The following SLC6A2 variants were observed in gnomAD, a reference collection of about 807,000 sequenced individuals.
The protein encoded by SLC6A2 is sodium-dependent noradrenaline transporter.
A neutral mutation model predicts 71.7 loss-of-function variants in SLC6A2; 26 were observed. That is an observed-to-expected ratio of 0.36 (90% CI 0.27 to 0.50). SLC6A2 has a LOEUF of 0.50. Among genes scored for constraint, SLC6A2 ranks in the 20% least tolerant of loss-of-function variants. The probability of loss-of-function intolerance (pLI) is 0.96; values close to 1 mark genes in which losing one functional copy is unlikely to be tolerated. For missense variants in SLC6A2, 581 were observed against 803.9 expected (o/e 0.72, Z 3.35); for synonymous variants, 363 against 337.9 (o/e 1.07, Z -0.82).
In SLC6A2 at chr16:55,702,622, G is replaced by A. The variant is rs1217435235; in HGVS notation, c.*276G>A. ...TTTTGGGGGAAGTCTCTCCCACTTT[G>A]GGATCCTGCTGAAGCTAGGTTCATG... On this transcript the variant is annotated 3_prime_UTR_variant, in exon 15 of 15. Transcript: ENST00000568943. The A allele has an allele frequency of 7.2e-7, 1 of 1,381,430 alleles. No individual in the cohort carries two copies. The highest frequency in any genetic ancestry group is 9.4e-7 in the Non-Finnish European group (1 of 1,066,194). 85.6% of individuals were successfully genotyped at this position (1,381,430 alleles called of 1,614,324 possible).
chr16:55,682,944 G>GGCA (rs1965323513), intron 4 of SLC6A2, among the ~76,000 whole-genome samples: 1 of 152,202 alleles, frequency 6.6e-6, no homozygotes, highest in African/African-American at 2.4e-5. Flanking sequence ...AGCCCACCAA[G>GGCA]GCAGAGTCAG....
Position 55,700,157 on chromosome 16 carries a change from AT to A in SLC6A2, c.1610del (p.Ile537ThrfsTer130). On this transcript the variant is annotated frameshift_variant, in exon 13 of 15. Coordinates refer to ENST00000568943, the MANE Select transcript of SLC6A2 (RefSeq NM_001172501.3). LOFTEE classifies it high-confidence loss of function. ...AFLLFVVVVS[I>X]INFKPLTYDD... Reference sequence around the variant, plus strand: ...TCTCTAGTTCGTGGTTGTGGTCAGCATCATCAACTTCAAGCCACTCACCTAC... The same window carrying A: ...TCTCTAGTTCGTGGTTGTGGTCAGCACATCAACTTCAAGCCACTCACCTAC... 1 of 1,613,734 alleles carries A rather than the reference AT, an allele frequency of 6.2e-7. No homozygotes were observed. The highest frequency in any genetic ancestry group is 8.5e-7 in the Non-Finnish European group (1 of 1,179,952).
chr16:55,679,635 T>A (rs2142539860), intron 4 of SLC6A2, among the ~76,000 whole-genome samples: 1 of 152,312 alleles, frequency 6.6e-6, no homozygotes, highest in Non-Finnish European at 1.5e-5. Context: ...TTGTTTTGAG[T>A]TAGGACTAAC....
At position 55,702,746 on chromosome 16, in the gene SLC6A2, C is replaced by CCT. The variant is rs1555506504; in HGVS notation, c.*401_*402insTC. 4 of 716,398 alleles carry CCT rather than the reference C, an allele frequency of 5.6e-6. No homozygotes were observed. The highest frequency in any genetic ancestry group is 2.5e-4 in the Admixed American group (1 of 4,036). The allele number at this position is 716,398 out of a possible 1,614,324, so 44.4% of individuals were successfully genotyped here. A position where few individuals can be genotyped will look rare whatever the true frequency, so the allele number is the denominator to read the frequency against. ...ATGGGCTTTTGATCAGATACCCCTC[C>CCT]CAAAAAAAAAAAAAACTAAAACTAA... On this transcript the variant is annotated 3_prime_UTR_variant, in exon 15 of 15. Coordinates refer to ENST00000568943, the MANE Select transcript of SLC6A2 (RefSeq NM_001172501.3).
intron 6 of SLC6A2, among the ~76,000 whole-genome samples, chr16:55,693,650 C>T (rs192639057): frequency 1.3e-5 from 2 of 152,326 alleles, no homozygotes; most frequent in East Asian, 1.9e-4. Context: ...ATGCCATCTC[C>T]GTAACTCCTA....
In SLC6A2 at chr16:55,705,205, T is replaced by C; in HGVS notation, c.*2859T>C. ...AGTTATTTAGCACCCACCTTTTAGCTTTCATTCTAGATGAAAACGAGACAA... is the reference window on the plus strand; with the variant it reads ...AGTTATTTAGCACCCACCTTTTAGCCTTCATTCTAGATGAAAACGAGACAA... On this transcript the variant is annotated 3_prime_UTR_variant, in exon 15 of 15. Coordinates refer to ENST00000568943, the MANE Select transcript of SLC6A2 (RefSeq NM_001172501.3). 6.5e-7 allele frequency: 1 copy of C among 1,534,306 alleles called. No individual in the cohort carries two copies. The highest frequency in any genetic ancestry group is 2.4e-5 in the East Asian group (1 of 40,904).
chr16:55,682,039 T>C (rs1348818749), intron 4 of SLC6A2, among the ~76,000 whole-genome samples: 1 of 152,214 alleles, frequency 6.6e-6, no homozygotes, highest in Non-Finnish European at 1.5e-5. Flanking sequence ...CCCAAGTAGC[T>C]GGGATTACAG....
chr16:55,687,204 T>C lies in SLC6A2; in HGVS notation c.783+1923T>C, dbSNP rs527436311. On this transcript the variant is annotated intron_variant, in intron 5 of 14. Coordinates refer to ENST00000568943, the MANE Select transcript of SLC6A2 (RefSeq NM_001172501.3). Reference sequence around the variant, plus strand: ...ATCTTGCTATTTTCATCACATACACTTTTCAAAAATGAAAAAGTCTAGATA... The same window carrying C: ...ATCTTGCTATTTTCATCACATACACCTTTCAAAAATGAAAAAGTCTAGATA... Among the ~76,000 whole-genome samples the C allele has an allele frequency of 5.7e-3, 876 of 152,400 alleles. 15 individuals are homozygous for C. Among genetic ancestry groups the C allele is most frequent in the African/African-American group, 0.02 (851 of 41,584 alleles).
chr16:55,700,046 C>A, intron 12 of SLC6A2, 93 bp from the exon 13 acceptor site: 1 of 1,065,690 alleles, frequency 9.4e-7, no homozygotes, highest in Non-Finnish European at 1.4e-6. Flanking sequence ...CTCTTCATTT[C>A]TCTCCCACCT....
intron 4 of SLC6A2, among the ~76,000 whole-genome samples, chr16:55,678,392 A>C (rs1965162797): frequency 6.6e-6 from 1 of 151,960 alleles, no homozygotes; most frequent in Non-Finnish European, 1.5e-5. Context: ...TTGGGGACCC[A>C]GTGAGTGGGA....
intron 6 of SLC6A2, 129 bp from the exon 7 acceptor site, chr16:55,693,881 C>T (rs1965713859): frequency 6.5e-6 from 5 of 765,336 alleles, no homozygotes; most frequent in African/African-American, 1.7e-5. Flanking sequence ...CAGGGCTGCC[C>T]ATCTCTGGTT....
intron 2 of SLC6A2, among the ~76,000 whole-genome samples, chr16:55,668,237 C>G (rs1225634547): frequency 6.6e-6 from 1 of 152,116 alleles, no homozygotes; most frequent in East Asian, 1.9e-4. Flanking sequence ...GAGTTTGACC[C>G]TAGGTATCAT....
chr16:55,702,463 T>A lies in SLC6A2; in HGVS notation c.*117T>A. The A allele has an allele frequency of 6.3e-7, 1 of 1,589,980 alleles. No individual in the cohort carries two copies. The highest frequency in any genetic ancestry group is 8.6e-7 in the Non-Finnish European group (1 of 1,167,456). ...CTCCCCTGGAAGTTGTCCTTTCTGA[T>A]CCTCTCTTCTTTTCCCATTTACAAA... On this transcript the variant is annotated 3_prime_UTR_variant, in exon 15 of 15. Transcript: ENST00000568943.
chr16:55,679,302 T>A (rs1427606664), intron 4 of SLC6A2, among the ~76,000 whole-genome samples: 2 of 151,838 alleles, frequency 1.3e-5, no homozygotes, highest in African/African-American at 4.8e-5. Context: ...ATCTTGGCTA[T>A]TGCAATCTCC....
chr16:55,690,313 G>T (rs181495924), intron 5 of SLC6A2, among the ~76,000 whole-genome samples: 1 of 152,264 alleles, frequency 6.6e-6, no homozygotes, highest in East Asian at 1.9e-4. Context: ...ATGATCTAGT[G>T]GGAAAGACAA....
chr16:55,705,189 G>A lies in SLC6A2; in HGVS notation c.*2843G>A, dbSNP rs1262661734. The A allele has an allele frequency of 1.3e-6, 2 of 1,513,862 alleles. No homozygotes were observed. Among genetic ancestry groups the A allele is most frequent in the African/African-American group, 1.4e-5 (1 of 72,524 alleles). 93.8% of individuals were successfully genotyped at this position (1,513,862 alleles called of 1,614,324 possible). A position where few individuals can be genotyped will look rare whatever the true frequency, so the allele number is the denominator to read the frequency against. On this transcript the variant is annotated 3_prime_UTR_variant, in exon 15 of 15. Coordinates refer to ENST00000568943, the MANE Select transcript of SLC6A2 (RefSeq NM_001172501.3). The stretch of plus-strand genomic sequence containing the variant: ...CGTCTACTCAATGTCTAGTTATTTA[G>A]CACCCACCTTTTAGCTTTCATTCTA...
intron 4 of SLC6A2, among the ~76,000 whole-genome samples, chr16:55,677,139 A>T (rs571399343): frequency 6.6e-6 from 1 of 152,192 alleles, no homozygotes; most frequent in African/African-American, 2.4e-5. Context: ...GACTCATGTC[A>T]TGGAAAATCT....
intron 13 of SLC6A2, 77 bp from the exon 14 acceptor site, chr16:55,701,786 A>C (rs970449015): frequency 6.5e-6 from 7 of 1,083,830 alleles, no homozygotes; most frequent in Middle Eastern, 2.1e-4. Context: ...GGTGGCCCTC[A>C]TCTGGGGGTG....
At chr16:55,701,315 C>T (rs1965965176) in intron 13 of SLC6A2, among the ~76,000 whole-genome samples, 1 of 152,124 alleles carries the variant, frequency 6.6e-6, no homozygotes, top group Admixed American at 6.5e-5. Flanking sequence ...GTTCAGTGAC[C>T]TCATTCTAGA....
Sources: gnomAD v4.1 joint callset for allele counts (sites outside exome capture counted in the v4.1 genomes callset) on GRCh38, gnomAD v4.1.1 for gene constraint, MANE v1.5 for transcripts, NCBI Gene and HGNC (gene_info 2026-07-23, HGNC 2026-07-21) for gene names.